The following BSN variants were observed in gnomAD, a reference collection of about 807,000 sequenced individuals.
BSN encodes the protein protein bassoon.
Under a neutral mutation model 264.8 loss-of-function variants are expected in BSN, and 57 were observed. That is an observed-to-expected ratio of 0.22 (90% CI 0.17 to 0.27). The LOEUF (loss-of-function observed/expected upper bound fraction) is 0.27. Among genes scored for constraint, BSN ranks in the 10% least tolerant of loss-of-function variants. BSN has a pLI of 1.00. For synonymous variants in BSN, 2,059 were observed against 2,137.3 expected, an observed-to-expected ratio of 0.96 and a Z score of 1.01; for missense variants, 4,615 against 5,232.5, an observed-to-expected ratio of 0.88 and a Z score of 3.64.
At chr3:49,658,631 T>C (rs556294647) in intron 5 of BSN, among the ~76,000 whole-genome samples, 7 of 152,330 alleles carry the variant, frequency 4.6e-5, no homozygotes, top group African/African-American at 1.7e-4. Context: ...GTCCTCTCAG[T>C]CCTGGCCTGG....
At position 49,603,160 on chromosome 3, in the gene BSN, C is replaced by T. The variant is rs539212231; in HGVS notation, c.225-21815C>T. Among the ~76,000 whole-genome samples the T allele has an allele frequency of 1.8e-3, 272 of 152,324 alleles. 11 individuals are homozygous for T. The South Asian group carries it at 0.054, about 30-fold the overall frequency. ...TCCACTGCTGGCCCCTCAAGGACAA[C>T]CAGCCTGGAAACTTGAGGGCCGCAG... On this transcript the variant is annotated intron_variant, in intron 1 of 11. Transcript: ENST00000296452.
chr3:49,643,061 G>A lies in BSN; in HGVS notation c.1427G>A (p.Ser476Asn). ...TGCCAAGCCGAGCTCAACGTGGGCA[G>A]CAAGAGCCCAGCCAACTATAACACA... The part of the protein sequence containing the change: ...PLCQAELNVG[S>N]KSPANYNTCT... The change falls in exon 3 of 12, where the codon AGC (serine) becomes AAC (asparagine). Residue 476 changes from serine (S) to asparagine (N), a missense_variant. Coordinates refer to ENST00000296452, the MANE Select transcript of BSN (RefSeq NM_003458.4). The A allele has an allele frequency of 6.2e-7, 1 of 1,614,042 alleles. No homozygotes were observed. The highest frequency in any genetic ancestry group is 1.1e-5 in the South Asian group (1 of 91,086).
At chr3:49,666,674 C>G (rs2052715721) in intron 11 of BSN, among the ~76,000 whole-genome samples, 1 of 151,950 alleles carries the variant, frequency 6.6e-6, no homozygotes, top group East Asian at 1.9e-4. Context: ...GGGGAGGGAA[C>G]AGCACTGACG....
At position 49,625,721 on chromosome 3, in the gene BSN, T is replaced by C. The variant is rs1360013377; in HGVS notation, c.633+338T>C. The stretch of plus-strand genomic sequence containing the variant: ...GAACAATTTTTCCCAATGGAACTCA[T>C]TTGGAGTGGGCCATGAGCAGCTCTA... On this transcript the variant is annotated intron_variant, in intron 2 of 11. Transcript: ENST00000296452. The surrounding 1 kb of genome is among the most constrained non-coding windows in gnomAD (Gnocchi z 4.4). Among the ~76,000 whole-genome samples the C allele has an allele frequency of 6.6e-6, 1 of 152,184 alleles. No individual in the cohort carries two copies. The highest frequency in any genetic ancestry group is 1.5e-5 in the Non-Finnish European group (1 of 68,018).
chr3:49,628,148 G>A (rs2052356688), intron 2 of BSN, among the ~76,000 whole-genome samples: 1 of 152,218 alleles, frequency 6.6e-6, no homozygotes, highest in Non-Finnish European at 1.5e-5. Flanking sequence ...AACTGTGCTT[G>A]GAACTTTGAA....
intron 1 of BSN, among the ~76,000 whole-genome samples, chr3:49,614,312 G>A (rs575513591): frequency 2.4e-4 from 36 of 152,094 alleles, no homozygotes; most frequent in Non-Finnish European, 2.1e-4. Context: ...ACCCGCCTTG[G>A]CCTACCAAAG....
At chr3:49,570,526 C>T (rs2051787812) in intron 1 of BSN, among the ~76,000 whole-genome samples, 1 of 152,196 alleles carries the variant, frequency 6.6e-6, no homozygotes, top group Admixed American at 6.5e-5. Context: ...CAGCAGGCAC[C>T]AGCCTCTGTG....
In BSN at chr3:49,663,581, G is replaced by A. The variant is rs899251280; in HGVS notation, c.11423G>A (p.Arg3808Gln). The stretch of plus-strand genomic sequence containing the variant: ...CAGCAACAGAGCCAGCCAACCACCC[G>A]GGGCTCAGCCCCTGCTGCCAGCCAG... ...RLQQQSQPTT[R>Q]GSAPAASQPA... Residue 3808 changes from arginine (R) to glutamine (Q), a missense_variant, in exon 7 of 12, where the codon CGG becomes CAG. Physicochemically the swap from Arg to Gln is conservative, Grantham distance 43. Coordinates refer to ENST00000296452, the MANE Select transcript of BSN (RefSeq NM_003458.4). 4.4e-6 allele frequency: 7 copies of A among 1,605,648 alleles called. No individual in the cohort carries two copies. The highest frequency in any genetic ancestry group is 2.7e-5 in the African/African-American group (2 of 74,874).
chr3:49,586,923 AT>A (rs1053406383), intron 1 of BSN, among the ~76,000 whole-genome samples: 7 of 151,392 alleles, frequency 4.6e-5, no homozygotes, highest in South Asian at 4.2e-4. Context: ...AAATTTTAGG[AT>A]TTTTTTTTAT....
Position 49,657,044 on chromosome 3 carries a change from C to T in BSN, c.7488C>T (p.Ala2496=), listed in dbSNP as rs1320728695. ...RGPPLAAAEL[A]QNGQYWPPLT... ...CTCCCCTAGCGGCTGCTGAGTTGGC[C>T]CAGAATGGCCAGTATTGGCCCCCCC... Residue 2496 remains alanine (A), a synonymous_variant, in exon 5 of 12, where the codon GCC becomes GCT. Coordinates refer to ENST00000296452, the MANE Select transcript of BSN (RefSeq NM_003458.4). The T allele has an allele frequency of 1.9e-6, 3 of 1,609,706 alleles. No individual in the cohort carries two copies. Among genetic ancestry groups the T allele is most frequent in the South Asian group, 2.2e-5 (2 of 90,938 alleles).
In BSN at chr3:49,663,184, C is replaced by G; in HGVS notation, c.11026C>G (p.Arg3676Gly). 2.5e-6 allele frequency: 4 copies of G among 1,613,724 alleles called. No individual in the cohort carries two copies. In the East Asian group the frequency reaches 8.9e-5, roughly 36 times the overall value. The change falls in exon 7 of 12, where the codon CGC becomes GGC. Residue 3676 changes from arginine to glycine, a missense_variant. Arg to Gly is a moderately radical substitution (Grantham distance 125). Transcript: ENST00000296452. ...CAAACCACACGCTCGGGACCTGGGT[C>G]GCCATGAGGCCCGGCCCCACTCTCA... ...AAKPHARDLG[R>G]HEARPHSQPS...
intron 1 of BSN, among the ~76,000 whole-genome samples, chr3:49,558,490 C>T (rs1045112041): frequency 6.6e-5 from 10 of 152,234 alleles, no homozygotes; most frequent in Non-Finnish European, 1.5e-5. Flanking sequence ...GAGAACCATA[C>T]CCCGAATTCC....
At chr3:49,634,494 G>GCAACC (rs1332195531) in intron 2 of BSN, among the ~76,000 whole-genome samples, 3 of 152,132 alleles carry the variant, frequency 2.0e-5, no homozygotes, top group African/African-American at 7.2e-5. Context: ...TTGGCTCACG[G>GCAACC]CAACCTCTAC....
chr3:49,650,106 C>T (rs978844995), intron 3 of BSN, among the ~76,000 whole-genome samples: 1 of 152,190 alleles, frequency 6.6e-6, no homozygotes, highest in South Asian at 2.1e-4. Flanking sequence ...ATAGCCCTTA[C>T]CTGGGAAAGA....
intron 1 of BSN, among the ~76,000 whole-genome samples, chr3:49,595,436 G>A (rs961611756): frequency 4.0e-5 from 6 of 151,498 alleles, no homozygotes; most frequent in African/African-American, 1.2e-4. Context: ...TGATCCACCC[G>A]CCTTGGCCTC....
chr3:49,559,206 C>T (rs2051695716), intron 1 of BSN, among the ~76,000 whole-genome samples: 1 of 152,168 alleles, frequency 6.6e-6, no homozygotes, highest in African/African-American at 2.4e-5. Context: ...GGATTACAGG[C>T]ATGAGCCACT....
chr3:49,611,032 G>T (rs990303522), intron 1 of BSN, among the ~76,000 whole-genome samples: 6 of 152,218 alleles, frequency 3.9e-5, no homozygotes, highest in Admixed American at 2.0e-4. Flanking sequence ...AGGGCAGGCT[G>T]AGTGCTGAGT....
intron 1 of BSN, among the ~76,000 whole-genome samples, chr3:49,588,653 T>G (rs1460832263): frequency 6.6e-6 from 1 of 152,218 alleles, no homozygotes; most frequent in Non-Finnish European, 1.5e-5. Flanking sequence ...TCAAAGTACT[T>G]TAAAATTTCT....
chr3:49,650,697 C>A lies in BSN; in HGVS notation c.1604C>A (p.Thr535Asn), dbSNP rs879189368. 6.2e-7 allele frequency: 1 copy of A among 1,611,838 alleles called. No homozygotes were observed. Among genetic ancestry groups the A allele is most frequent in the South Asian group, 1.1e-5 (1 of 91,018 alleles). ...LGEPTPLPPP[T>N]SQQPPVGAPH... is the part of the protein sequence containing the mutation. ...GAGCCGACCCCCCTGCCGCCGCCCA[C>A]CTCACAGCAGCCCCCTGTAGGGGCC... Residue 535 changes from threonine to asparagine, a missense_variant, in exon 4 of 12, where the codon ACC (threonine) becomes AAC (asparagine). This residue lies in a region of BSN where 1,197 missense variants were observed against 1,348.0 expected (regional missense o/e 0.89). Transcript: ENST00000296452.
Sources: allele counts gnomAD v4.1 joint callset (sites outside exome capture counted in the v4.1 genomes callset), GRCh38; gene constraint gnomAD v4.1.1; regional missense constraint gnomAD v4.1.1; non-coding constraint Gnocchi (gnomAD v3.1); transcripts MANE v1.5; gene names NCBI Gene and HGNC (gene_info 2026-07-23, HGNC 2026-07-21).